The following GLIS3 variants were observed in gnomAD, a reference collection of about 807,000 sequenced individuals.
The protein encoded by GLIS3 is zinc finger protein GLIS3.
Under a neutral mutation model 78.6 loss-of-function variants are expected in GLIS3, and 53 were observed. That is an observed-to-expected ratio of 0.67 (90% CI 0.54 to 0.85). GLIS3 has a LOEUF of 0.85. Ranked by LOEUF, GLIS3 falls within the 40% of genes least tolerant of loss-of-function variation. The pLI is 0.00. For missense variants in GLIS3, 1,703 were observed against 1,231.1 expected (o/e 1.38, Z -5.74); for synonymous variants, 684 against 509.9 (o/e 1.34, Z -4.60).
At chr9:4,168,997 T>C (rs1283098309) in intron 2 of GLIS3, among the ~76,000 whole-genome samples, 2 of 152,234 alleles carry the variant, frequency 1.3e-5, no homozygotes, top group Middle Eastern at 3.2e-3. Context: ...TTAAACTAAG[T>C]CTCAGGTAGT....
intron 3 of GLIS3, among the ~76,000 whole-genome samples, chr9:4,121,245 T>C (rs574585664): frequency 5.3e-5 from 8 of 152,204 alleles, no homozygotes; most frequent in African/African-American, 2.4e-5. Flanking sequence ...CCCAGTACAC[T>C]AGCTCCCAGT....
intron 4 of GLIS3, among the ~76,000 whole-genome samples, chr9:3,978,793 T>C (rs535665976): frequency 6.6e-6 from 1 of 152,310 alleles, no homozygotes; most frequent in South Asian, 2.1e-4. Context: ...TCTGCATTTT[T>C]AAAAAAGATT....
the GLIS3 span, among the ~76,000 whole-genome samples, chr9:4,463,958 G>A: frequency 8.6e-5 from 13 of 151,962 alleles, no homozygotes; most frequent in South Asian, 4.1e-4. Flanking sequence ...AAAATACTTC[G>A]AAGAAAAAAA....
chr9:4,129,072 C>T (rs747336964), intron 2 of GLIS3, among the ~76,000 whole-genome samples: 5 of 152,204 alleles, frequency 3.3e-5, no homozygotes, highest in African/African-American at 1.2e-4. Flanking sequence ...AAAATGGCAA[C>T]ATCTGTCTCA....
intron 4 of GLIS3, among the ~76,000 whole-genome samples, chr9:3,997,134 G>A (rs1230893079): frequency 6.6e-6 from 1 of 152,138 alleles, no homozygotes; most frequent in Non-Finnish European, 1.5e-5. Flanking sequence ...GATCACCTGA[G>A]GTTGGAGTTC....
intron 9 of GLIS3, among the ~76,000 whole-genome samples, chr9:3,843,509 C>G (rs944225319): frequency 5.3e-5 from 8 of 152,132 alleles, no homozygotes; most frequent in African/African-American, 1.9e-4. Context: ...CACTGGATCC[C>G]GGGATCTCTG....
At chr9:4,097,552 A>C (rs995466985) in intron 4 of GLIS3, among the ~76,000 whole-genome samples, 5 of 152,178 alleles carry the variant, frequency 3.3e-5, no homozygotes, top group African/African-American at 1.2e-4. Context: ...TTTTTGATTA[A>C]AGATCTCAGG....
the GLIS3 span, among the ~76,000 whole-genome samples, chr9:4,411,112 G>A: frequency 1.3e-5 from 2 of 152,112 alleles, no homozygotes; most frequent in African/African-American, 2.4e-5. Context: ...AACAGATGAA[G>A]CCATATTGTC....
chr9:3,983,106 G>A (rs981264125), intron 4 of GLIS3, among the ~76,000 whole-genome samples: 1 of 152,178 alleles, frequency 6.6e-6, no homozygotes, highest in Non-Finnish European at 1.5e-5. Flanking sequence ...GTCAGGAGAG[G>A]AACATGGTGA....
At chr9:4,075,058 G>C (rs1827928859) in intron 4 of GLIS3, among the ~76,000 whole-genome samples, 1 of 136,948 alleles carries the variant, frequency 7.3e-6, no homozygotes, top group African/African-American at 3.3e-5. Flanking sequence ...AATTCATTCA[G>C]TGATGGAATT....
chr9:4,469,906 G>C, the GLIS3 span, among the ~76,000 whole-genome samples: 2 of 151,976 alleles, frequency 1.3e-5, no homozygotes, highest in East Asian at 1.9e-4. Flanking sequence ...ACAAAGAAAA[G>C]AGAGAAAAAT....
chr9:3,877,453 G>A (rs1821392646), intron 8 of GLIS3, among the ~76,000 whole-genome samples: 1 of 152,096 alleles, frequency 6.6e-6, no homozygotes, highest in Admixed American at 6.5e-5. Flanking sequence ...GATTCATATT[G>A]CTAATTGCCA....
chr9:4,153,357 A>G (rs1834822572), intron 2 of GLIS3, among the ~76,000 whole-genome samples: 1 of 152,226 alleles, frequency 6.6e-6, no homozygotes, highest in African/African-American at 2.4e-5. Context: ...TGAGGTCAGG[A>G]GTTCAAGACC....
At chr9:4,477,252 A>T in the GLIS3 span, among the ~76,000 whole-genome samples, 1 of 152,060 alleles carries the variant, frequency 6.6e-6, no homozygotes, top group Non-Finnish European at 1.5e-5. Flanking sequence ...AAATTCTGAC[A>T]CGAGTTTCAA....
At chr9:4,230,736 G>A (rs1472618659) in intron 2 of GLIS3, among the ~76,000 whole-genome samples, 1 of 152,114 alleles carries the variant, frequency 6.6e-6, no homozygotes, top group Non-Finnish European at 1.5e-5. Flanking sequence ...CAAAGAGGGA[G>A]AATAAAAGAA....
chr9:3,920,648 A>G (rs1055830398), intron 6 of GLIS3, among the ~76,000 whole-genome samples: 4 of 146,096 alleles, frequency 2.7e-5, no homozygotes, highest in African/African-American at 1.0e-4. Flanking sequence ...GTGGGGGATC[A>G]TCTTTGGATC....
chr9:3,901,857 C>T (rs958166504), intron 6 of GLIS3, among the ~76,000 whole-genome samples: 2 of 151,988 alleles, frequency 1.3e-5, no homozygotes, highest in East Asian at 1.9e-4. Context: ...TAATACATGC[C>T]GTGTAAGAAA....
At chr9:4,331,447 A>G (rs1817684984) in intron 2 of GLIS3, among the ~76,000 whole-genome samples, 1 of 152,190 alleles carries the variant, frequency 6.6e-6, no homozygotes, top group South Asian at 2.1e-4. Context: ...TCGGGGGGAC[A>G]CTATTCAACC....
the GLIS3 span, among the ~76,000 whole-genome samples, chr9:4,367,139 C>T: frequency 1.3e-5 from 2 of 152,228 alleles, no homozygotes; most frequent in Non-Finnish European, 2.9e-5. Flanking sequence ...CTCCAATGAT[C>T]CTCCACTGCC....
Sources: gnomAD v4.1 joint callset for allele counts (sites outside exome capture counted in the v4.1 genomes callset) on GRCh38, gnomAD v4.1.1 for gene constraint, MANE v1.5 for transcripts, NCBI Gene and HGNC (gene_info 2026-07-23, HGNC 2026-07-21) for gene names.